Variants in CNTNAP2 observed in about 807,000 individuals in gnomAD.
CNTNAP2 encodes contactin-associated protein-like 2.
Under a neutral mutation model 155.2 loss-of-function variants are expected in CNTNAP2, and 98 were observed. The observed-to-expected ratio is 0.63, with a 90% CI of 0.54 to 0.75. The LOEUF (loss-of-function observed/expected upper bound fraction) is 0.75, where lower values mean the gene tolerates loss of function less well. Among genes scored for constraint, CNTNAP2 ranks in the 30% least tolerant of loss-of-function variants. The pLI is 0.00. For missense variants in CNTNAP2, 1,727 were observed against 1,688.1 expected (o/e 1.02, Z -0.40); for synonymous variants, 651 against 631.2 (o/e 1.03, Z -0.47).
intron 1 of CNTNAP2, among the ~76,000 whole-genome samples, chr7:146,557,458 T>C (rs1798214021): frequency 6.6e-6 from 1 of 152,134 alleles, no homozygotes; most frequent in Non-Finnish European, 1.5e-5. Flanking sequence ...CCTTTATAAT[T>C]AATTCTATTG....
chr7:148,019,888 G>A (rs1044771444), intron 15 of CNTNAP2, among the ~76,000 whole-genome samples: 2 of 152,092 alleles, frequency 1.3e-5, no homozygotes, highest in Non-Finnish European at 2.9e-5. Flanking sequence ...CTGGATGAAC[G>A]ATTCTCCTCC....
In CNTNAP2 at chr7:147,477,488, T is replaced by G. The variant is rs111523386; in HGVS notation, c.1671-8447T>G. Among the ~76,000 whole-genome samples, 294 of 152,170 alleles carry G rather than the reference T, an allele frequency of 1.9e-3. 2 individuals carry two copies. Among genetic ancestry groups the G allele is most frequent in the African/African-American group, 6.8e-3 (281 of 41,420 alleles). On this transcript the variant is annotated intron_variant, in intron 10 of 23. Transcript: ENST00000361727. ...CTACTTGGAGCATTAAAATAGCTGT[T>G]GAGTTTATTTTGCCTTTAGTTTTTC...
chr7:148,192,846 T>C (rs1020436424), intron 18 of CNTNAP2, among the ~76,000 whole-genome samples: 2 of 152,176 alleles, frequency 1.3e-5, no homozygotes, highest in Non-Finnish European at 2.9e-5. Context: ...TATGACTTTA[T>C]TTTTTTCCTA....
At chr7:146,357,921 C>G (rs1024334748) in intron 1 of CNTNAP2, among the ~76,000 whole-genome samples, 3 of 151,892 alleles carry the variant, frequency 2.0e-5, no homozygotes, top group Non-Finnish European at 2.9e-5. Flanking sequence ...ACCCCGCCCC[C>G]CGCCACACAC....
intron 1 of CNTNAP2, among the ~76,000 whole-genome samples, chr7:146,478,593 A>G (rs1319520163): frequency 6.6e-6 from 1 of 151,814 alleles, no homozygotes; most frequent in Non-Finnish European, 1.5e-5. Context: ...TGTCACATCT[A>G]GTATCTGCCA....
intron 9 of CNTNAP2, among the ~76,000 whole-genome samples, chr7:147,319,428 A>T (rs1318986957): frequency 6.6e-6 from 1 of 152,130 alleles, no homozygotes; most frequent in Non-Finnish European, 1.5e-5. Flanking sequence ...CCCAGGCTGG[A>T]GTGCAGTGGC....
At chr7:147,057,818 G>A (rs1799590727) in intron 4 of CNTNAP2, among the ~76,000 whole-genome samples, 1 of 152,152 alleles carries the variant, frequency 6.6e-6, no homozygotes, top group South Asian at 2.1e-4. Flanking sequence ...TTATATAGCA[G>A]TGTCTGTTAT....
chr7:146,830,235 T>C (rs1009172948), intron 2 of CNTNAP2, among the ~76,000 whole-genome samples: 6 of 147,824 alleles, frequency 4.1e-5, no homozygotes, highest in African/African-American at 1.5e-4. Flanking sequence ...ACTTTTACAA[T>C]TTGATCTACA....
intron 10 of CNTNAP2, among the ~76,000 whole-genome samples, chr7:147,453,426 C>G (rs542359128): frequency 6.6e-6 from 1 of 152,148 alleles, no homozygotes; most frequent in Non-Finnish European, 1.5e-5. Context: ...CTCCCCATTA[C>G]GGTGTGATCT....
At chr7:148,131,892 A>G (rs979760207) in intron 16 of CNTNAP2, among the ~76,000 whole-genome samples, 3 of 152,146 alleles carry the variant, frequency 2.0e-5, no homozygotes, top group Non-Finnish European at 4.4e-5. Context: ...GTAGAGCTTC[A>G]TTTAAATATA....
At chr7:147,171,210 G>C (rs1444933379) in intron 8 of CNTNAP2, among the ~76,000 whole-genome samples, 1 of 152,180 alleles carries the variant, frequency 6.6e-6, no homozygotes, top group Non-Finnish European at 1.5e-5. Context: ...CCCGGAATCA[G>C]CTTTAGCATT....
In CNTNAP2 at chr7:146,491,275, C is replaced by T. The variant is rs1797135463; in HGVS notation, c.98-282996C>T. Among the ~76,000 whole-genome samples, 3 of 152,050 alleles carry T rather than the reference C, an allele frequency of 2.0e-5. 1 individual carries two copies. In the South Asian group the frequency reaches 6.2e-4, roughly 31 times the overall value. On this transcript the variant is annotated intron_variant, in intron 1 of 23. Transcript: ENST00000361727. ...CTTGTATTGCCCCTTTTATCCCACA[C>T]CCGTGTGAGCTTTGGAGGGTTGGGT...
chr7:147,612,012 G>C (rs914502092), intron 12 of CNTNAP2, among the ~76,000 whole-genome samples: 4 of 152,066 alleles, frequency 2.6e-5, no homozygotes, highest in Non-Finnish European at 5.9e-5. Context: ...TAAATATATG[G>C]TCTTCAACTT....
chr7:148,331,703 T>TGGAGTGGATGGATGGAATGGAC (rs1798020816), intron 21 of CNTNAP2, among the ~76,000 whole-genome samples: 1 of 132,410 alleles, frequency 7.6e-6, no homozygotes, highest in African/African-American at 3.1e-5. Context: ...ATGGAGTGGA[T>TGGAGTGGATGGATGGAATGGAC]GGATGGAGTG....
chr7:147,129,492 C>A (rs907702425), intron 7 of CNTNAP2, among the ~76,000 whole-genome samples: 6 of 152,140 alleles, frequency 3.9e-5, no homozygotes, highest in Admixed American at 1.3e-4. Flanking sequence ...TGCTTCCAAA[C>A]GACACTACTC....
intron 21 of CNTNAP2, among the ~76,000 whole-genome samples, chr7:148,345,286 G>T (rs1353373825): frequency 6.6e-6 from 1 of 152,126 alleles, no homozygotes; most frequent in African/African-American, 2.4e-5. Context: ...GGAGCCCAGG[G>T]CCAGAAGCCT....
chr7:147,152,436 A>C (rs1441542358), intron 8 of CNTNAP2, among the ~76,000 whole-genome samples: 1 of 152,040 alleles, frequency 6.6e-6, no homozygotes, highest in East Asian at 1.9e-4. Flanking sequence ...AAAATGGTAT[A>C]ATGGGGATAA....
chr7:147,836,472 T>A (rs1798636853), intron 13 of CNTNAP2, among the ~76,000 whole-genome samples: 1 of 151,818 alleles, frequency 6.6e-6, no homozygotes, highest in Admixed American at 6.6e-5. Context: ...ATGCACCACC[T>A]CCCCAGTCAA....
At chr7:146,882,059 G>A (rs145074392) in intron 3 of CNTNAP2, among the ~76,000 whole-genome samples, 6 of 152,068 alleles carry the variant, frequency 3.9e-5, no homozygotes, top group Middle Eastern at 3.4e-3. Flanking sequence ...GTGAAGATAC[G>A]CAGTATTTGG....
Sources: gnomAD v4.1 joint callset for allele counts (sites outside exome capture counted in the v4.1 genomes callset) on GRCh38, gnomAD v4.1.1 for gene constraint, MANE v1.5 for transcripts, NCBI Gene and HGNC (gene_info 2026-07-23, HGNC 2026-07-21) for gene names.